Variants in SH3RF2 observed in about 807,000 individuals in gnomAD.
SH3RF2 encodes the protein SH3 domain containing ring finger 2, also known as E3 ubiquitin-protein ligase SH3RF2.
Under a neutral mutation model 59.0 loss-of-function variants are expected in SH3RF2, and 43 were observed. That is an observed-to-expected ratio of 0.73 (90% CI 0.57 to 0.94). SH3RF2 has a LOEUF of 0.94. Among genes scored for constraint, SH3RF2 ranks in the 40% least tolerant of loss-of-function variants. The pLI is 0.00. For missense variants in SH3RF2, 930 were observed against 940.1 expected, an observed-to-expected ratio of 0.99 and a Z score of 0.14; for synonymous variants, 391 against 391.5, an observed-to-expected ratio of 1.00 and a Z score of 0.01.
intron 4 of SH3RF2, among the ~76,000 whole-genome samples, chr5:146,012,838 G>C (rs1561741337): frequency 6.6e-6 from 1 of 152,032 alleles, no homozygotes; most frequent in Admixed American, 6.6e-5. Flanking sequence ...ATAACACAGT[G>C]GTGTACTGGA....
chr5:146,075,705 G>A (rs887827546), intron 9 of SH3RF2, among the ~76,000 whole-genome samples: 47 of 149,380 alleles, frequency 3.1e-4, no homozygotes, highest in Non-Finnish European at 3.7e-4. Context: ...CAGCTACCCG[G>A]GAGGCGGAGG....
intron 1 of SH3RF2, among the ~76,000 whole-genome samples, chr5:145,937,356 A>C (rs1757627385): frequency 6.6e-6 from 1 of 152,182 alleles, no homozygotes; most frequent in South Asian, 2.1e-4. Context: ...AGATAAACTT[A>C]CCCACCTAAA....
intron 2 of SH3RF2, among the ~76,000 whole-genome samples, chr5:145,947,718 G>A (rs1418694242): frequency 6.6e-6 from 1 of 152,152 alleles, no homozygotes; most frequent in Non-Finnish European, 1.5e-5. Context: ...ATCAATGTCA[G>A]GCATTGTTAT....
intron 2 of SH3RF2, among the ~76,000 whole-genome samples, chr5:145,984,852 T>C (rs747954124): frequency 3.3e-5 from 5 of 152,180 alleles, no homozygotes; most frequent in Non-Finnish European, 5.9e-5. Flanking sequence ...CAGAAGGTCT[T>C]GGTGATTAAA....
intron 2 of SH3RF2, among the ~76,000 whole-genome samples, chr5:145,948,421 C>T (rs551417599): frequency 2.0e-5 from 3 of 152,324 alleles, no homozygotes; most frequent in South Asian, 4.1e-4. Flanking sequence ...GCCCCAACAC[C>T]GCTCGCTTTG....
chr5:145,938,318 C>T lies in SH3RF2; in HGVS notation c.378+12C>T. 6.6e-7 allele frequency: 1 copy of T among 1,516,026 alleles called. No homozygotes were observed. The highest frequency in any genetic ancestry group is 8.8e-7 in the Non-Finnish European group (1 of 1,138,868). The allele number at this position is 1,516,026 out of a possible 1,614,324, so 93.9% of individuals were successfully genotyped here. On this transcript the variant is annotated intron_variant, in intron 2 of 9. Coordinates refer to ENST00000359120, the MANE Select transcript of SH3RF2 (RefSeq NM_152550.4). ...TCCACATGGATGGGGTAAGAGAGAT[C>T]TTATTTGCTAATATCATGTCCACAT...
At chr5:145,953,121 CTG>C (rs1404495864) in intron 2 of SH3RF2, among the ~76,000 whole-genome samples, 4 of 142,620 alleles carry the variant, frequency 2.8e-5, no homozygotes, top group African/African-American at 1.0e-4. Context: ...CTCTCTCTCT[CTG>C]TCACACACAC....
At chr5:146,003,932 A>T (rs1760529189) in intron 3 of SH3RF2, 126 bp from the exon 4 acceptor site, 2 of 640,418 alleles carry the variant, frequency 3.1e-6, no homozygotes, top group South Asian at 6.3e-5. Flanking sequence ...AGACTTCCCA[A>T]ATAAATCAAG....
At chr5:146,016,645 T>A (rs1338949711) in intron 5 of SH3RF2, among the ~76,000 whole-genome samples, 1 of 152,208 alleles carries the variant, frequency 6.6e-6, no homozygotes, top group Non-Finnish European at 1.5e-5. Flanking sequence ...GAATTTAGAA[T>A]TGTCTAATTC....
chr5:146,064,767 G>GA (rs201255080), downstream of SH3RF2, among the ~76,000 whole-genome samples: 145 of 26,320 alleles, frequency 5.5e-3, 8 homozygotes, highest in Middle Eastern at 0.028. Flanking sequence ...AGGAAGGAAG[G>GA]AAGGAAGGAA....
At chr5:146,004,997 A>G (rs1453894120) in intron 4 of SH3RF2, among the ~76,000 whole-genome samples, 1 of 152,188 alleles carries the variant, frequency 6.6e-6, no homozygotes, top group Non-Finnish European at 1.5e-5. Context: ...GTGTTTATAT[A>G]AATGGATAAA....
chr5:146,032,434 T>C (rs980715797), intron 5 of SH3RF2, among the ~76,000 whole-genome samples: 1 of 152,074 alleles, frequency 6.6e-6, no homozygotes, highest in African/African-American at 2.4e-5. Context: ...AGCTCTTACA[T>C]ACTAGGATCC....
At chr5:145,972,837 G>A (rs942805316) in intron 2 of SH3RF2, among the ~76,000 whole-genome samples, 12 of 152,262 alleles carry the variant, frequency 7.9e-5, no homozygotes, top group East Asian at 3.9e-4. Context: ...GGCTGGCAGC[G>A]TGCAATACCC....
intron 5 of SH3RF2, among the ~76,000 whole-genome samples, chr5:146,031,366 C>T (rs1267998313): frequency 1.3e-5 from 2 of 152,080 alleles, no homozygotes; most frequent in South Asian, 2.1e-4. Flanking sequence ...AGTGGTGAAG[C>T]GAGTGAAATC....
At chr5:146,058,047 A>G (rs1455544210) in intron 8 of SH3RF2, among the ~76,000 whole-genome samples, 4 of 151,924 alleles carry the variant, frequency 2.6e-5, no homozygotes, top group African/African-American at 4.8e-5. Flanking sequence ...CCACTTAGGT[A>G]TGCAGAGTTG....
intron 2 of SH3RF2, among the ~76,000 whole-genome samples, chr5:145,965,090 G>A (rs1561713582): frequency 6.6e-6 from 1 of 152,232 alleles, no homozygotes; most frequent in East Asian, 1.9e-4. Flanking sequence ...CTACTCGGGA[G>A]GCTGAGGCAG....
At chr5:146,064,798 AGGAAGGAAGG>A (rs1561773745), downstream of SH3RF2, among the ~76,000 whole-genome samples, 26 of 37,238 alleles carry the variant, frequency 7.0e-4, 1 homozygote, top group African/African-American at 2.1e-3. Context: ...GAAGGAAGGA[AGGAAGGAAGG>A]AAAGAAAGAA....
intron 2 of SH3RF2, among the ~76,000 whole-genome samples, chr5:145,960,103 G>A (rs971728655): frequency 6.6e-6 from 1 of 152,190 alleles, no homozygotes; most frequent in African/African-American, 2.4e-5. Context: ...CACCCAGGCT[G>A]AAGTGCAGTA....
intron 5 of SH3RF2, among the ~76,000 whole-genome samples, chr5:146,045,926 C>T (rs1184620733): frequency 6.6e-6 from 1 of 152,156 alleles, no homozygotes; most frequent in Non-Finnish European, 1.5e-5. Flanking sequence ...GAGGCTGTAC[C>T]ATTTTACATT....
Sources: allele counts gnomAD v4.1 joint callset (sites outside exome capture counted in the v4.1 genomes callset), GRCh38; gene constraint gnomAD v4.1.1; transcripts MANE v1.5; gene names NCBI Gene and HGNC (gene_info 2026-07-23, HGNC 2026-07-21).